Variants in DLGAP2 observed in about 807,000 individuals in gnomAD.
DLGAP2 encodes disks large-associated protein 2.
In DLGAP2, 26 loss-of-function variants were observed where a neutral mutation model predicts 100.3. The ratio of observed to expected loss-of-function variants is 0.26; its 90% confidence interval spans 0.19 to 0.36. The LOEUF (loss-of-function observed/expected upper bound fraction) is 0.36. DLGAP2 is among the 10% of genes least tolerant of loss of function. The probability of loss-of-function intolerance (pLI) is 1.00; values close to 1 mark genes in which losing one functional copy is unlikely to be tolerated. For synonymous variants in DLGAP2, 886 were observed against 630.1 expected (o/e 1.41, Z -6.08); for missense variants, 1,858 against 1,453.2 (o/e 1.28, Z -4.53).
chr8:1,477,810 A>AT (rs1798977688), intron 3 of DLGAP2, among the ~76,000 whole-genome samples: 4 of 151,614 alleles, frequency 2.6e-5, no homozygotes, highest in African/African-American at 9.7e-5. Context: ...AAAAAAAAAA[A>AT]GGTGCCTAAT....
chr8:1,176,480 G>C lies in DLGAP2; in HGVS notation c.74-82371G>C, dbSNP rs373532359. 4.6e-5 allele frequency among the ~76,000 whole-genome samples: 7 copies of C among 152,314 alleles called. No homozygotes were observed. In the East Asian group the frequency reaches 1.2e-3, roughly 25 times the overall value. On this transcript the variant is annotated intron_variant, in intron 2 of 14. Transcript: ENST00000637795. ...GATGTAGAACGATGAATGTAGTCACGAGCATTACAGCCAGAAGGAACTACA... is the reference window on the plus strand; with the variant it reads ...GATGTAGAACGATGAATGTAGTCACCAGCATTACAGCCAGAAGGAACTACA...
chr8:1,190,403 ATCTGCTGTTG>A (rs1563242235), intron 2 of DLGAP2, among the ~76,000 whole-genome samples: 1 of 37,380 alleles, frequency 2.7e-5, no homozygotes, highest in Non-Finnish European at 6.7e-5. Context: ...GGGTCGGGGC[ATCTGCTGTTG>A]GGGCATCTGC....
intron 2 of DLGAP2, among the ~76,000 whole-genome samples, chr8:1,151,509 A>G (rs1217636330): frequency 6.6e-6 from 1 of 152,166 alleles, no homozygotes; most frequent in African/African-American, 2.4e-5. Context: ...TATCTTAGTA[A>G]GGCTTGTTTG....
intron 3 of DLGAP2, among the ~76,000 whole-genome samples, chr8:1,372,952 A>G (rs893102342): frequency 5.9e-5 from 9 of 152,106 alleles, no homozygotes; most frequent in Admixed American, 6.5e-5. Flanking sequence ...GTGTCAGTGA[A>G]GGGATGTGGG....
At chr8:1,183,627 C>A (rs750755816) in intron 2 of DLGAP2, among the ~76,000 whole-genome samples, 11 of 152,192 alleles carry the variant, frequency 7.2e-5, no homozygotes, top group Non-Finnish European at 1.3e-4. Flanking sequence ...GGAGGCACCG[C>A]TCCTGGCTTG....
At chr8:1,159,483 G>T (rs1246698729) in intron 2 of DLGAP2, among the ~76,000 whole-genome samples, 1 of 152,138 alleles carries the variant, frequency 6.6e-6, no homozygotes, top group Non-Finnish European at 1.5e-5. Flanking sequence ...CCTTACGTAT[G>T]GAGCATTGCA....
intron 1 of DLGAP2, among the ~76,000 whole-genome samples, chr8:788,689 C>G (rs751329618): frequency 2.0e-5 from 3 of 152,186 alleles, no homozygotes; most frequent in Non-Finnish European, 4.4e-5. Flanking sequence ...CTGTTCTGTC[C>G]TCCTTCCTGG....
At chr8:1,357,892 T>C (rs545940311) in intron 3 of DLGAP2, among the ~76,000 whole-genome samples, 85 of 152,296 alleles carry the variant, frequency 5.6e-4, no homozygotes, top group African/African-American at 1.9e-3. Flanking sequence ...CACCTGCATC[T>C]AACTGACATG....
At chr8:1,273,976 A>C (rs1434487379) in intron 3 of DLGAP2, among the ~76,000 whole-genome samples, 1 of 152,196 alleles carries the variant, frequency 6.6e-6, no homozygotes, top group Admixed American at 6.5e-5. Flanking sequence ...ATCAGTTCCA[A>C]ACCTGAGTCA....
Position 1,535,998 on chromosome 8 carries a change from G to T in DLGAP2, c.173-12628G>T, listed in dbSNP as rs577723102. On this transcript the variant is annotated intron_variant, in intron 4 of 14. Transcript: ENST00000637795. ...TCTCCGAGGCTCACCTGAGAGTCTA[G>T]TGTGTCGGCTATAATGTAACAGTCA... Among the ~76,000 whole-genome samples the T allele has an allele frequency of 9.4e-3, 1,432 of 152,330 alleles. 20 individuals carry two copies. The highest frequency in any genetic ancestry group is 0.032 in the African/African-American group (1,335 of 41,570).
chr8:1,407,938 C>A (rs1480024267), intron 3 of DLGAP2, among the ~76,000 whole-genome samples: 1 of 152,158 alleles, frequency 6.6e-6, no homozygotes, highest in African/African-American at 2.4e-5. Context: ...CACCTCAGGG[C>A]TTCCAGCATT....
At chr8:1,056,973 G>C (rs1198448847) in intron 2 of DLGAP2, among the ~76,000 whole-genome samples, 1 of 152,148 alleles carries the variant, frequency 6.6e-6, no homozygotes, top group Non-Finnish European at 1.5e-5. Context: ...ACCTCGAAGA[G>C]ACAGAGACAG....
chr8:1,009,696 A>G (rs1237657092), intron 2 of DLGAP2, among the ~76,000 whole-genome samples: 7 of 152,242 alleles, frequency 4.6e-5, no homozygotes, highest in Non-Finnish European at 8.8e-5. Flanking sequence ...ATGAAGAACC[A>G]GAAATGGAAC....
chr8:1,280,682 T>C (rs1373853466), intron 3 of DLGAP2, among the ~76,000 whole-genome samples: 1 of 152,112 alleles, frequency 6.6e-6, no homozygotes, highest in African/African-American at 2.4e-5. Flanking sequence ...GCCATGGGCA[T>C]GGAGGGGAGG....
chr8:1,062,695 C>T (rs191697263), intron 2 of DLGAP2, among the ~76,000 whole-genome samples: 9 of 152,108 alleles, frequency 5.9e-5, no homozygotes, highest in Non-Finnish European at 1.5e-5. Flanking sequence ...AAGTAAAGCA[C>T]TCATCTCTTG....
intron 3 of DLGAP2, among the ~76,000 whole-genome samples, chr8:1,383,054 G>A (rs931806677): frequency 6.6e-6 from 1 of 152,218 alleles, no homozygotes; most frequent in African/African-American, 2.4e-5. Flanking sequence ...AAGGATCTTT[G>A]GACGTAAGTA....
intron 6 of DLGAP2, among the ~76,000 whole-genome samples, chr8:1,602,777 T>C (rs1367198194): frequency 6.6e-6 from 1 of 152,248 alleles, no homozygotes; most frequent in Non-Finnish European, 1.5e-5. Context: ...TGCTCCCCAA[T>C]GTCGTGGGCA....
chr8:1,155,231 G>T (rs1796759744), intron 2 of DLGAP2, among the ~76,000 whole-genome samples: 1 of 152,230 alleles, frequency 6.6e-6, no homozygotes, highest in Admixed American at 6.5e-5. Context: ...TGAGTGAACA[G>T]ATGCGTGAAT....
intron 2 of DLGAP2, among the ~76,000 whole-genome samples, chr8:1,086,960 C>G (rs111467878): frequency 3.9e-5 from 6 of 152,288 alleles, no homozygotes; most frequent in Non-Finnish European, 4.4e-5. Flanking sequence ...ACACAGTCTT[C>G]TCAAGCACAC....
Sources: allele counts gnomAD v4.1 joint callset (sites outside exome capture counted in the v4.1 genomes callset), GRCh38; gene constraint gnomAD v4.1.1; transcripts MANE v1.5; gene names NCBI Gene and HGNC (gene_info 2026-07-23, HGNC 2026-07-21).